The following PLCZ1 variants were observed in gnomAD, a reference collection of about 807,000 sequenced individuals.
PLCZ1 encodes phospholipase C zeta 1.
A neutral mutation model predicts 76.8 loss-of-function variants in PLCZ1; 64 were observed. The ratio of observed to expected loss-of-function variants is 0.83; its 90% CI spans 0.68 to 1.03. The LOEUF (loss-of-function observed/expected upper bound fraction) is 1.03, where lower values mean the gene tolerates loss of function less well. PLCZ1 is among the 50% of genes least tolerant of loss of function. The pLI is 0.00. For missense variants in PLCZ1, 751 were observed against 713.7 expected, an observed-to-expected ratio of 1.05 and a Z score of -0.60; for synonymous variants, 248 against 230.8, an observed-to-expected ratio of 1.07 and a Z score of -0.68.
the PLCZ1 span, among the ~76,000 whole-genome samples, chr12:18,652,495 G>C: frequency 2.0e-5 from 3 of 152,148 alleles, no homozygotes; most frequent in African/African-American, 7.2e-5. Context: ...AGCCTCCAAA[G>C]CTGTGGGGGA....
chr12:18,712,505 T>A (rs1203247417), intron 6 of PLCZ1, among the ~76,000 whole-genome samples: 6 of 152,138 alleles, frequency 3.9e-5, no homozygotes, highest in Non-Finnish European at 1.5e-5. Flanking sequence ...AAGAGTTGAA[T>A]ATTGGTAAAA....
At chr12:18,665,407 A>G in the PLCZ1 span, among the ~76,000 whole-genome samples, 4 of 152,136 alleles carry the variant, frequency 2.6e-5, no homozygotes, top group East Asian at 5.8e-4. Flanking sequence ...TTTCACCACA[A>G]GAAAAAAAAA....
chr12:18,656,470 G>A, the PLCZ1 span, among the ~76,000 whole-genome samples: 16 of 152,118 alleles, frequency 1.1e-4, no homozygotes, highest in Admixed American at 8.5e-4. Flanking sequence ...GAAGGCTGAG[G>A]CAGAGAATTG....
intron 12 of PLCZ1, chr12:18,693,376 C>T (rs1385712316): frequency 1.9e-6 from 3 of 1,603,780 alleles, no homozygotes; most frequent in Non-Finnish European, 2.6e-6. Flanking sequence ...ATTAAGGAAT[C>T]TGTGGAGCTT....
At chr12:18,699,117 T>G (rs1955527678) in intron 10 of PLCZ1, among the ~76,000 whole-genome samples, 1 of 152,122 alleles carries the variant, frequency 6.6e-6, no homozygotes, top group Non-Finnish European at 1.5e-5. Flanking sequence ...TTAGAGGCAG[T>G]GAAAGGAAGA....
intron 10 of PLCZ1, among the ~76,000 whole-genome samples, chr12:18,696,989 TG>T (rs1474894343): frequency 1.3e-5 from 2 of 152,176 alleles, no homozygotes; most frequent in Non-Finnish European, 2.9e-5. Flanking sequence ...ATATTCTTTG[TG>T]TTTCTTCTTG....
Position 18,723,510 on chromosome 12 carries a change from G to A in PLCZ1, c.168C>T (p.Thr56=), listed in dbSNP as rs1958575943. 6.2e-7 allele frequency: 1 copy of A among 1,612,464 alleles called. No individual in the cohort carries two copies. Among genetic ancestry groups the A allele is most frequent in the Non-Finnish European group, 8.5e-7 (1 of 1,179,332 alleles). ...DNDRLKQGRI[T]IEEFRAIYRI... ...GATAAATTGCTCTAAATTCTTCTAT[G>A]GTGATTCTTCCTTGTTTCAGCCTGT... is the stretch of plus-strand genomic sequence containing the variant. The change falls in exon 4 of 15, where the codon ACC becomes ACT. Residue 56 remains threonine (T), a synonymous_variant. Coordinates refer to ENST00000266505, the MANE Select transcript of PLCZ1 (RefSeq NM_033123.4).
intron 2 of PLCZ1, 120 bp downstream of exon 2, chr12:18,737,241 A>C: frequency 1.9e-6 from 2 of 1,052,678 alleles, no homozygotes; most frequent in Non-Finnish European, 3.0e-6. Flanking sequence ...AGGGAAAAGC[A>C]GTTCAACTTA....
intron 3 of PLCZ1, chr12:18,735,702 G>A (rs1959205558): frequency 6.5e-6 from 1 of 152,772 alleles, no homozygotes; most frequent in Non-Finnish European, 1.5e-5. Context: ...GAGATCTGTT[G>A]TAATGTCTCC....
chr12:18,712,699 G>T, intron 6 of PLCZ1, 143 bp downstream of exon 6: 1 of 994,118 alleles, frequency 1.0e-6, no homozygotes, highest in African/African-American at 1.6e-5. Context: ...TATACAACAT[G>T]GATTTCACTG....
chr12:18,712,839 T>A lies in PLCZ1; in HGVS notation c.714+3A>T. On this transcript the variant is annotated splice_donor_region_variant and intron_variant, in intron 6 of 14. Coordinates refer to ENST00000266505, the MANE Select transcript of PLCZ1 (RefSeq NM_033123.4). ...CTACAGTTGAACAAAGATATGTACA[T>A]ACCATGAATGCATACTTGTGTATAG... 6.2e-7 allele frequency: 1 copy of A among 1,613,574 alleles called. No homozygotes were observed. Among genetic ancestry groups the A allele is most frequent in the Non-Finnish European group, 8.5e-7 (1 of 1,179,532 alleles).
intron 6 of PLCZ1, among the ~76,000 whole-genome samples, chr12:18,705,559 A>C (rs1371168254): frequency 1.3e-5 from 2 of 152,158 alleles, no homozygotes; most frequent in Non-Finnish European, 2.9e-5. Flanking sequence ...TCCATCAGTG[A>C]GTACTTATTT....
At chr12:18,724,698 C>T (rs756147917) in intron 3 of PLCZ1, among the ~76,000 whole-genome samples, 5 of 151,956 alleles carry the variant, frequency 3.3e-5, no homozygotes, top group Non-Finnish European at 5.9e-5. Context: ...TTTTTAAATT[C>T]TGGATTTTGA....
At chr12:18,647,762 T>C in the PLCZ1 span, 1 of 471,256 alleles carries the variant, frequency 2.1e-6, no homozygotes, top group South Asian at 7.2e-5. Context: ...TTAACCTATC[T>C]ATTCCAGGGT....
chr12:18,684,852 G>A (rs1241198892), intron 13 of PLCZ1, among the ~76,000 whole-genome samples: 2 of 151,936 alleles, frequency 1.3e-5, no homozygotes, highest in Non-Finnish European at 2.9e-5. Context: ...ATTATAGGGG[G>A]CTGTTCTCAT....
the PLCZ1 span, among the ~76,000 whole-genome samples, chr12:18,660,248 C>T: frequency 6.6e-6 from 1 of 152,100 alleles, no homozygotes; most frequent in Non-Finnish European, 1.5e-5. Context: ...GATCAGCTTG[C>T]ACACAGCTTG....
chr12:18,705,813 C>A (rs1176001888), intron 6 of PLCZ1, among the ~76,000 whole-genome samples: 1 of 152,040 alleles, frequency 6.6e-6, no homozygotes, highest in Non-Finnish European at 1.5e-5. Context: ...TTACAACGAG[C>A]CGAGGTTGCG....
At chr12:18,655,474 G>T in the PLCZ1 span, among the ~76,000 whole-genome samples, 9 of 152,166 alleles carry the variant, frequency 5.9e-5, no homozygotes, top group African/African-American at 2.2e-4. Flanking sequence ...TTATGGAGAT[G>T]TTGCACCTGA....
intron 10 of PLCZ1, among the ~76,000 whole-genome samples, chr12:18,699,444 G>A (rs946965301): frequency 1.4e-4 from 22 of 152,004 alleles, no homozygotes; most frequent in African/African-American, 4.8e-4. Flanking sequence ...GCGCACCTTC[G>A]CTTCCAGGAC....
Sources: allele counts gnomAD v4.1 joint callset (sites outside exome capture counted in the v4.1 genomes callset), GRCh38; gene constraint gnomAD v4.1.1; transcripts MANE v1.5; gene names NCBI Gene and HGNC (gene_info 2026-07-23, HGNC 2026-07-21).